The following CCDC171 variants were observed in gnomAD, a reference collection of about 807,000 sequenced individuals.
CCDC171 encodes the protein coiled-coil domain containing 171, also known as coiled-coil domain-containing protein 171.
A neutral mutation model predicts 168.2 loss-of-function variants in CCDC171; 177 were observed. The observed-to-expected ratio is 1.05, with a 90% CI of 0.93 to 1.19. The LOEUF (loss-of-function observed/expected upper bound fraction) is 1.19. CCDC171 is among the 50% of genes most tolerant of loss of function. The pLI is 0.00. For synonymous variants in CCDC171, 687 were observed against 540.8 expected, an observed-to-expected ratio of 1.27 and a Z score of -3.75; for missense variants, 1,991 against 1,539.0, an observed-to-expected ratio of 1.29 and a Z score of -4.91.
At chr9:15,835,073 A>G (rs1420609701) in intron 21 of CCDC171, among the ~76,000 whole-genome samples, 1 of 152,196 alleles carries the variant, frequency 6.6e-6, no homozygotes, top group African/African-American at 2.4e-5. Context: ...AGTCTTAAAA[A>G]CAGGCAACTT....
intron 25 of CCDC171, among the ~76,000 whole-genome samples, chr9:15,955,356 G>A (rs1487864425): frequency 3.3e-5 from 5 of 152,140 alleles, no homozygotes; most frequent in African/African-American, 1.2e-4. Context: ...CAGCTGAGGG[G>A]GAGTTGCAAT....
At chr9:15,589,017 T>A (rs191996044) in intron 4 of CCDC171, among the ~76,000 whole-genome samples, 1 of 152,140 alleles carries the variant, frequency 6.6e-6, no homozygotes, top group South Asian at 2.1e-4. Flanking sequence ...GCCGTGTTTT[T>A]TTTTTAGAGC....
In CCDC171 at chr9:15,893,048, A is replaced by G. The variant is rs537546413; in HGVS notation, c.3600+18385A>G. 2.3e-3 allele frequency among the ~76,000 whole-genome samples: 356 copies of G among 152,324 alleles called. 2 individuals carry two copies. Among genetic ancestry groups the G allele is most frequent in the African/African-American group, 8.0e-3 (333 of 41,590 alleles). On this transcript the variant is annotated intron_variant, in intron 24 of 25. Transcript: ENST00000380701. ...TGACTTCAAACTATATTACAAGGCTACAGTAATCAAAACAGCACGGTACTT... is the reference window on the plus strand; with the variant it reads ...TGACTTCAAACTATATTACAAGGCTGCAGTAATCAAAACAGCACGGTACTT...
At chr9:15,646,857 A>G (rs993830543) in intron 7 of CCDC171, among the ~76,000 whole-genome samples, 2 of 152,208 alleles carry the variant, frequency 1.3e-5, no homozygotes, top group African/African-American at 4.8e-5. Flanking sequence ...CAGAAAGTTA[A>G]CAAGGATATC....
At chr9:16,085,064 AG>A in the CCDC171 span, among the ~76,000 whole-genome samples, 1 of 152,240 alleles carries the variant, frequency 6.6e-6, no homozygotes, top group Non-Finnish European at 1.5e-5. Context: ...CCAGTCTAGT[AG>A]CCACCTTGCT....
chr9:15,603,358 T>C (rs947422114), intron 6 of CCDC171, among the ~76,000 whole-genome samples: 13 of 152,160 alleles, frequency 8.5e-5, no homozygotes, highest in Non-Finnish European at 8.8e-5. Flanking sequence ...ATCACCTAGG[T>C]ATTAAGCTCA....
intron 9 of CCDC171, among the ~76,000 whole-genome samples, chr9:15,678,214 C>G (rs1357323488): frequency 2.0e-5 from 3 of 151,714 alleles, no homozygotes; most frequent in Admixed American, 6.6e-5. Flanking sequence ...CCTGGCCTAT[C>G]TGAGCAAAAT....
chr9:15,762,766 C>A (rs1341505248), intron 18 of CCDC171, among the ~76,000 whole-genome samples: 1 of 152,166 alleles, frequency 6.6e-6, no homozygotes, highest in African/African-American at 2.4e-5. Flanking sequence ...ATAGCACATT[C>A]TTTTCACCTG....
downstream of CCDC171, among the ~76,000 whole-genome samples, chr9:16,063,712 TC>T (rs1833960843): frequency 6.6e-6 from 1 of 152,202 alleles, no homozygotes; most frequent in Admixed American, 6.5e-5. Context: ...TGCCTTTTGT[TC>T]ATAGATAGTT....
chr9:16,092,428 C>T, the CCDC171 span, among the ~76,000 whole-genome samples: 2 of 152,168 alleles, frequency 1.3e-5, no homozygotes, highest in Non-Finnish European at 2.9e-5. Flanking sequence ...ATGCGCTGGT[C>T]TGCCTGGGAC....
At chr9:15,585,401 T>A (rs781222473) in intron 4 of CCDC171, among the ~76,000 whole-genome samples, 8 of 152,168 alleles carry the variant, frequency 5.3e-5, no homozygotes, top group Non-Finnish European at 1.2e-4. Context: ...TACTCAACAA[T>A]AAGAAGAAAG....
At chr9:15,696,662 A>T in intron 11 of CCDC171, among the ~76,000 whole-genome samples, 1 of 152,160 alleles carries the variant, frequency 6.6e-6, no homozygotes, top group East Asian at 1.9e-4. Context: ...ATGCCTCAAT[A>T]TTATTTTAAA....
At chr9:15,596,355 C>A (rs1370501693) in intron 6 of CCDC171, among the ~76,000 whole-genome samples, 18 of 151,756 alleles carry the variant, frequency 1.2e-4, no homozygotes, top group Non-Finnish European at 2.2e-4. Context: ...TTTCAGCTTT[C>A]TACATATGGC....
At chr9:15,995,058 T>A (rs1353099550) in intron 3 of CCDC171, among the ~76,000 whole-genome samples, 1 of 152,224 alleles carries the variant, frequency 6.6e-6, no homozygotes, top group Non-Finnish European at 1.5e-5. Context: ...CAACAGAATA[T>A]ATGGCATCCT....
At chr9:15,827,272 G>T (rs67082053) in intron 21 of CCDC171, among the ~76,000 whole-genome samples, 4 of 151,596 alleles carry the variant, frequency 2.6e-5, no homozygotes, top group Non-Finnish European at 5.9e-5. Context: ...GTGTGTGGAA[G>T]GGGGGACATG....
chr9:15,917,501 G>A (rs113018688), intron 24 of CCDC171, among the ~76,000 whole-genome samples: 387 of 151,774 alleles, frequency 2.5e-3, no homozygotes, highest in Non-Finnish European at 4.6e-3. Flanking sequence ...TAAAGAAGTA[G>A]TATGTGGTTT....
chr9:15,666,437 A>G (rs2048740438), intron 9 of CCDC171, 114 bp downstream of exon 9: 1 of 669,274 alleles, frequency 1.5e-6, no homozygotes, highest in Non-Finnish European at 2.4e-6. Flanking sequence ...TGTCAGTGGT[A>G]GACTGGGGCA....
At chr9:16,063,163 GA>G (rs1282892198), downstream of CCDC171, among the ~76,000 whole-genome samples, 5 of 152,216 alleles carry the variant, frequency 3.3e-5, no homozygotes, top group Non-Finnish European at 7.3e-5. Context: ...GTGATAGCAG[GA>G]AAATGCACAA....
At chr9:15,862,471 A>T (rs1033524416) in intron 23 of CCDC171, among the ~76,000 whole-genome samples, 2 of 151,948 alleles carry the variant, frequency 1.3e-5, no homozygotes, top group Non-Finnish European at 2.9e-5. Context: ...CTTATCGATC[A>T]TTTTTATGAC....
Sources: gnomAD v4.1 joint callset for allele counts (sites outside exome capture counted in the v4.1 genomes callset) on GRCh38, gnomAD v4.1.1 for gene constraint, MANE v1.5 for transcripts, NCBI Gene and HGNC (gene_info 2026-07-23, HGNC 2026-07-21) for gene names.